FAM120A: variants seen among roughly 807,000 people sequenced by gnomAD.
FAM120A encodes the protein constitutive coactivator of PPAR-gamma-like protein 1.
FAM120A carries 15 observed loss-of-function variants against 109.7 expected under a neutral mutation model. The observed-to-expected ratio is 0.14, with a 90% confidence interval of 0.09 to 0.21. The LOEUF is 0.21. Ranked by LOEUF, FAM120A falls within the 10% of genes least tolerant of loss-of-function variation. The probability of loss-of-function intolerance (pLI) is 1.00; values close to 1 mark genes in which losing one functional copy is unlikely to be tolerated. For synonymous variants in FAM120A, 493 were observed against 572.8 expected (o/e 0.86, Z 1.99); for missense variants, 899 against 1,439.3 (o/e 0.62, Z 6.07).
chr9:93,469,199 C>A (rs907271827), intron 1 of FAM120A, among the ~76,000 whole-genome samples: 1 of 152,180 alleles, frequency 6.6e-6, no homozygotes, highest in South Asian at 2.1e-4. Context: ...TGTTCACCAC[C>A]CTGTGAAGCT....
intron 1 of FAM120A, among the ~76,000 whole-genome samples, chr9:93,468,104 A>G (rs1186234223): frequency 6.6e-6 from 1 of 151,998 alleles, no homozygotes; most frequent in African/African-American, 2.4e-5. Flanking sequence ...GGCTAGTCTC[A>G]CACTCCTTGA....
In FAM120A at chr9:93,558,423, AG is replaced by A. The variant is rs34457187; in HGVS notation, c.2669-155del. On this transcript the variant is annotated intron_variant, in intron 14 of 17. Coordinates refer to ENST00000277165, the MANE Select transcript of FAM120A (RefSeq NM_014612.5). ...GGGTGGCCTTACAATACTGGTCCCCAGGGACCATGGGCACAGGACAGTGAGG... is the reference window on the plus strand; with the variant it reads ...GGGTGGCCTTACAATACTGGTCCCCAGGACCATGGGCACAGGACAGTGAGG... Among the ~76,000 whole-genome samples, 51,987 of 152,094 alleles carry A rather than the reference AG, an allele frequency of 0.34. 10,111 individuals are homozygous for A. Among genetic ancestry groups the A allele is most frequent in the South Asian group, 0.65 (3,122 of 4,816 alleles).
rs147019158 is a variant in FAM120A at position 93,482,674 on chromosome 9, G to A, written c.804+6336G>A. Among the ~76,000 whole-genome samples, 372 of 152,304 alleles carry A rather than the reference G, an allele frequency of 2.4e-3. 1 individual carries two copies. Among genetic ancestry groups the A allele is most frequent in the African/African-American group, 8.3e-3 (344 of 41,578 alleles). On this transcript the variant is annotated intron_variant, in intron 3 of 17. Transcript: ENST00000277165. ...CTCCAGGAGCAACGATGGTAGGGCC[G>A]TCAGTCTGGCCTTCTTATCGCAGGG...
chr9:93,459,190 A>T lies in FAM120A; in HGVS notation c.474+6801A>T, dbSNP rs77396353. Among the ~76,000 whole-genome samples, 7 of 152,314 alleles carry T rather than the reference A, an allele frequency of 4.6e-5. No homozygotes were observed. The East Asian group carries it at 9.6e-4, about 21-fold the overall frequency. On this transcript the variant is annotated intron_variant, in intron 1 of 17. Transcript: ENST00000277165. Reference sequence around the variant, plus strand: ...AGCATGGTGTATGTTTGCAGTGGACATTCTAGTCTGTTGTATTGCACCTAC... The same window carrying T: ...AGCATGGTGTATGTTTGCAGTGGACTTTCTAGTCTGTTGTATTGCACCTAC...
At chr9:93,531,758 T>C (rs2131475159) in intron 9 of FAM120A, among the ~76,000 whole-genome samples, 1 of 152,374 alleles carries the variant, frequency 6.6e-6, no homozygotes, top group Admixed American at 6.5e-5. Context: ...TGCATGTAGG[T>C]AATTGAAAAT....
chr9:93,558,119 G>A, intron 14 of FAM120A, 109 bp downstream of exon 14: 1 of 1,163,424 alleles, frequency 8.6e-7, no homozygotes, highest in Non-Finnish European at 1.2e-6. Context: ...GTCACTGTTG[G>A]TCTTGGAGAT....
rs560323597 is a variant in FAM120A, at chr9:93,473,177, C to T, written c.721+1790C>T. Among the ~76,000 whole-genome samples, 19 of 152,010 alleles carry T rather than the reference C, an allele frequency of 1.2e-4. 2 individuals carry two copies. Among genetic ancestry groups the T allele is most frequent in the South Asian group, 4.2e-4 (2 of 4,790 alleles). On this transcript the variant is annotated intron_variant, in intron 2 of 17. Transcript: ENST00000277165. ...GATTACAGGCGCCCACCACCACGCCCGGTTAATTTTTATATTTTTAGTAGA... is the reference window on the plus strand; with the variant it reads ...GATTACAGGCGCCCACCACCACGCCTGGTTAATTTTTATATTTTTAGTAGA...
In FAM120A at chr9:93,557,102, C is replaced by A. The variant is rs148503145; in HGVS notation, c.2484+511C>A. ...AGCACTTCAGCACTACACTTGGAGA[C>A]CATTTTATTTGTTTGTTTGTTTTGG... On this transcript the variant is annotated intron_variant, in intron 13 of 17. Coordinates refer to ENST00000277165, the MANE Select transcript of FAM120A (RefSeq NM_014612.5). Among the ~76,000 whole-genome samples, 11 of 150,944 alleles carry A rather than the reference C, an allele frequency of 7.3e-5. No homozygotes were observed. The East Asian group carries it at 1.9e-3, about 27-fold the overall frequency.
intron 3 of FAM120A, among the ~76,000 whole-genome samples, chr9:93,486,840 T>A (rs1438072854): frequency 1.3e-5 from 2 of 152,156 alleles, no homozygotes; most frequent in Non-Finnish European, 2.9e-5. Context: ...GACCTATGCT[T>A]AGCTTTTTGA....
intron 1 of FAM120A, among the ~76,000 whole-genome samples, chr9:93,470,223 G>A (rs1289351362): frequency 1.3e-5 from 2 of 152,308 alleles, no homozygotes; most frequent in South Asian, 2.1e-4. Context: ...ATCCATTGTA[G>A]AAACGAAAAA....
intron 2 of FAM120A, among the ~76,000 whole-genome samples, chr9:93,473,916 A>T (rs759826307): frequency 2.0e-5 from 3 of 152,180 alleles, no homozygotes; most frequent in Non-Finnish European, 2.9e-5. Context: ...ATATTAATTG[A>T]CTTTGAATGT....
At chr9:93,550,524 A>G (rs1862060950) in intron 11 of FAM120A, 53 bp from the exon 12 acceptor site, 1 of 1,381,252 alleles carries the variant, frequency 7.2e-7, no homozygotes, top group African/African-American at 1.4e-5. Context: ...ACTTGTCTAT[A>G]TGACGGGCGA....
At chr9:93,482,108 T>C (rs183988506) in intron 3 of FAM120A, among the ~76,000 whole-genome samples, 29 of 152,278 alleles carry the variant, frequency 1.9e-4, no homozygotes, top group African/African-American at 4.6e-4. Context: ...TTTACCAGCA[T>C]TATCTTTCCC....
chr9:93,462,846 A>G (rs984562609), intron 1 of FAM120A, among the ~76,000 whole-genome samples: 4 of 152,206 alleles, frequency 2.6e-5, no homozygotes. Context: ...AGGTTCATAC[A>G]TGTTGTAACG....
intron 3 of FAM120A, among the ~76,000 whole-genome samples, chr9:93,487,667 G>A (rs1165687907): frequency 2.6e-5 from 4 of 152,236 alleles, no homozygotes; most frequent in Non-Finnish European, 5.9e-5. Context: ...TAGACTTGTG[G>A]TTGTCTGGAA....
chr9:93,525,976 CAG>C (rs559058766), intron 7 of FAM120A, among the ~76,000 whole-genome samples: 16 of 152,180 alleles, frequency 1.1e-4, no homozygotes, highest in African/African-American at 3.6e-4. Flanking sequence ...TTTTAAAAGA[CAG>C]AACTATAATG....
chr9:93,564,518 C>T lies in FAM120A; in HGVS notation c.3335C>T (p.Ala1112Val). ...ACRREAALEAAVLNKEE is the reference protein window; with the variant it reads ...ACRREAALEAVVLNKEE ...CGCAGAGAAGCTGCTCTGGAGGCAGCTGTCTTAAATAAAGAAGAGTAAACT... is the reference window on the plus strand; with the variant it reads ...CGCAGAGAAGCTGCTCTGGAGGCAGTTGTCTTAAATAAAGAAGAGTAAACT... Residue 1112 changes from alanine to valine, a missense_variant, in exon 18 of 18, where the codon GCT (alanine) becomes GTT (valine). By Grantham distance (64) the Ala-to-Val change is moderately conservative. Transcript: ENST00000277165. The T allele has an allele frequency of 6.2e-7, 1 of 1,610,740 alleles. No individual in the cohort carries two copies. Among genetic ancestry groups the T allele is most frequent in the Non-Finnish European group, 8.5e-7 (1 of 1,177,418 alleles).
intron 7 of FAM120A, among the ~76,000 whole-genome samples, chr9:93,523,018 C>A (rs758065495): frequency 2.0e-5 from 3 of 152,176 alleles, no homozygotes; most frequent in Non-Finnish European, 4.4e-5. Context: ...AACCTCAGAG[C>A]ATTCAAATGT....
In FAM120A at chr9:93,509,872, A is replaced by G. The variant is rs144939541; in HGVS notation, c.1031-5795A>G. Among the ~76,000 whole-genome samples the G allele has an allele frequency of 8.3e-3, 1,262 of 152,306 alleles. 16 individuals carry two copies. Among genetic ancestry groups the G allele is most frequent in the African/African-American group, 0.029 (1,214 of 41,562 alleles). ...AAAGTCATGTACAGACCCCTTGAACATGTTTTTATATTTTCTCACCTCATA... is the reference window on the plus strand; with the variant it reads ...AAAGTCATGTACAGACCCCTTGAACGTGTTTTTATATTTTCTCACCTCATA... On this transcript the variant is annotated intron_variant, in intron 5 of 17. Coordinates refer to ENST00000277165, the MANE Select transcript of FAM120A (RefSeq NM_014612.5).
Sources: gnomAD v4.1 joint callset for allele counts (sites outside exome capture counted in the v4.1 genomes callset) on GRCh38, gnomAD v4.1.1 for gene constraint, MANE v1.5 for transcripts, NCBI Gene and HGNC (gene_info 2026-07-23, HGNC 2026-07-21) for gene names.